MALRD1: variants seen among roughly 807,000 people sequenced by gnomAD.
The protein encoded by MALRD1 is MAM and LDL receptor class A domain containing 1.
Under a neutral mutation model 242.1 loss-of-function variants are expected in MALRD1, and 247 were observed. The ratio of observed to expected loss-of-function variants is 1.02; its 90% CI spans 0.92 to 1.13. MALRD1 has a LOEUF of 1.13. Ranked by LOEUF, MALRD1 falls within the 50% of genes most tolerant of loss-of-function variation. The probability of loss-of-function intolerance (pLI) is 0.00; values close to 1 mark genes in which losing one functional copy is unlikely to be tolerated. For synonymous variants in MALRD1, 995 were observed against 866.6 expected (o/e 1.15, Z -2.60); for missense variants, 2,989 against 2,533.1 (o/e 1.18, Z -3.86).
chr10:19,613,764 C>T (rs1839007511), intron 35 of MALRD1, among the ~76,000 whole-genome samples: 1 of 152,048 alleles, frequency 6.6e-6, no homozygotes, highest in Non-Finnish European at 1.5e-5. Flanking sequence ...ATTTTTTCTG[C>T]ACTATCTTTG....
chr10:19,612,819 A>G (rs1838962154), intron 35 of MALRD1, among the ~76,000 whole-genome samples: 1 of 151,940 alleles, frequency 6.6e-6, no homozygotes, highest in Admixed American at 6.6e-5. Context: ...ATTATGAGAC[A>G]GCACTAGGGG....
chr10:19,401,361 C>T (rs1311691526), intron 28 of MALRD1, among the ~76,000 whole-genome samples: 1 of 151,938 alleles, frequency 6.6e-6, no homozygotes, highest in African/African-American at 2.4e-5. Flanking sequence ...TAACTTCTAA[C>T]ATAATGTATT....
At chr10:19,531,090 G>T (rs1834393310) in intron 31 of MALRD1, 104 bp from the exon 32 acceptor site, 2 of 893,194 alleles carry the variant, frequency 2.2e-6, no homozygotes, top group African/African-American at 1.7e-5. Flanking sequence ...GTTTGATTGT[G>T]TGTATGTATA....
intron 26 of MALRD1, among the ~76,000 whole-genome samples, chr10:19,374,838 T>C (rs2130762592): frequency 6.6e-6 from 1 of 152,282 alleles, no homozygotes; most frequent in Non-Finnish European, 1.5e-5. Context: ...TTATATGATA[T>C]TAGCCAGAAA....
intron 33 of MALRD1, among the ~76,000 whole-genome samples, chr10:19,589,685 C>G (rs1453191342): frequency 1.3e-5 from 2 of 152,086 alleles, no homozygotes; most frequent in East Asian, 1.9e-4. Flanking sequence ...CAAAATTAAT[C>G]AACAGTTTTT....
chr10:19,184,827 C>CATG (rs1835668377), intron 14 of MALRD1, among the ~76,000 whole-genome samples: 1 of 152,190 alleles, frequency 6.6e-6, no homozygotes, highest in East Asian at 1.9e-4. Context: ...AGATTACAGG[C>CATG]ATGAGCTGCC....
chr10:19,563,807 C>T (rs1311630631), intron 32 of MALRD1, among the ~76,000 whole-genome samples: 1 of 152,198 alleles, frequency 6.6e-6, no homozygotes, highest in East Asian at 1.9e-4. Context: ...TGGATGTCCC[C>T]TCCAAATCAT....
At chr10:19,071,186 T>C (rs988101918) in intron 2 of MALRD1, among the ~76,000 whole-genome samples, 6 of 151,920 alleles carry the variant, frequency 3.9e-5, no homozygotes, top group African/African-American at 1.5e-4. Context: ...TGGGCAGCAG[T>C]CAAAATATCA....
chr10:19,287,228 C>CTA (rs1240035883), intron 21 of MALRD1, among the ~76,000 whole-genome samples: 2 of 152,016 alleles, frequency 1.3e-5, no homozygotes, highest in Admixed American at 6.6e-5. Context: ...AAGATCATTC[C>CTA]TCTATACTTT....
chr10:19,577,580 C>G (rs7906614), intron 33 of MALRD1, among the ~76,000 whole-genome samples: 77,967 of 151,850 alleles, frequency 0.51, 20,166 homozygotes, highest in African/African-American at 0.53. Flanking sequence ...GGAAAAATCA[C>G]TCTCAGTGTG....
chr10:19,419,389 G>A (rs1833634509), intron 28 of MALRD1, among the ~76,000 whole-genome samples: 1 of 152,108 alleles, frequency 6.6e-6, no homozygotes, highest in African/African-American at 2.4e-5. Flanking sequence ...CCACCTCCCG[G>A]GTTCAAGTGA....
At position 19,302,506 on chromosome 10, in the gene MALRD1, A is replaced by G. The variant is rs1328913606; in HGVS notation, c.3419+19325A>G. On this transcript the variant is annotated intron_variant, in intron 21 of 39. Transcript: ENST00000454679. ...TACAACATGGATGAACGTTGAGAACATTATACTAAGTGAAAGAAGCCAAAT... is the reference window on the plus strand; with the variant it reads ...TACAACATGGATGAACGTTGAGAACGTTATACTAAGTGAAAGAAGCCAAAT... Among the ~76,000 whole-genome samples, 5 of 151,854 alleles carry G rather than the reference A, an allele frequency of 3.3e-5. No homozygotes were observed. The South Asian group carries it at 6.2e-4, about 19-fold the overall frequency.
intron 2 of MALRD1, among the ~76,000 whole-genome samples, chr10:19,079,732 C>T (rs1835424559): frequency 6.6e-6 from 1 of 151,840 alleles, no homozygotes; most frequent in African/African-American, 2.4e-5. Context: ...ATAAAATGCC[C>T]TGCTTTGTCT....
At chr10:19,106,016 G>C (rs977413207) in intron 5 of MALRD1, among the ~76,000 whole-genome samples, 1 of 151,746 alleles carries the variant, frequency 6.6e-6, no homozygotes, top group Non-Finnish European at 1.5e-5. Flanking sequence ...TTTTTAGTTT[G>C]ATGTAATCTC....
chr10:19,279,179 G>A (rs1376180624), intron 19 of MALRD1, among the ~76,000 whole-genome samples: 2 of 152,196 alleles, frequency 1.3e-5, no homozygotes, highest in Admixed American at 6.5e-5. Context: ...ATGAGGTCCA[G>A]TCACAAGGGT....
intron 28 of MALRD1, among the ~76,000 whole-genome samples, chr10:19,407,648 A>G (rs991767184): frequency 2.0e-5 from 3 of 152,206 alleles, no homozygotes; most frequent in Non-Finnish European, 2.9e-5. Context: ...GGATAATGCA[A>G]ATAAACTCTA....
intron 28 of MALRD1, among the ~76,000 whole-genome samples, chr10:19,406,871 T>G (rs1356766991): frequency 6.6e-6 from 1 of 152,198 alleles, no homozygotes. Context: ...CACTTGTTAT[T>G]GGAGTGCCAA....
At chr10:19,212,633 G>A (rs949532036) in intron 18 of MALRD1, among the ~76,000 whole-genome samples, 1 of 151,958 alleles carries the variant, frequency 6.6e-6, no homozygotes, top group Non-Finnish European at 1.5e-5. Context: ...TGAGTCTTAC[G>A]GCAGAAGTAT....
intron 34 of MALRD1, chr10:19,598,441 G>A (rs2131568232): frequency 6.6e-6 from 1 of 151,578 alleles, no homozygotes; most frequent in African/African-American, 2.4e-5. Context: ...AAAGTAAAAG[G>A]GAGAGAATGC....
Sources: allele counts gnomAD v4.1 joint callset (sites outside exome capture counted in the v4.1 genomes callset), GRCh38; gene constraint gnomAD v4.1.1; transcripts MANE v1.5; gene names NCBI Gene and HGNC (gene_info 2026-07-23, HGNC 2026-07-21).